The following DOCK8 variants were observed in gnomAD, a reference collection of about 807,000 sequenced individuals.
DOCK8 encodes dedicator of cytokinesis protein 8.
A neutral mutation model predicts 245.6 loss-of-function variants in DOCK8; 141 were observed. The observed-to-expected ratio is 0.57, with a 90% confidence interval of 0.50 to 0.66. The LOEUF (loss-of-function observed/expected upper bound fraction) is 0.66, where lower values mean the gene tolerates loss of function less well. Ranked by LOEUF, DOCK8 falls within the 30% of genes least tolerant of loss-of-function variation. DOCK8 has a pLI of 0.00. For synonymous variants in DOCK8, 1,168 were observed against 970.2 expected (o/e 1.20, Z -3.79); for missense variants, 2,965 against 2,603.4 (o/e 1.14, Z -3.02).
intron 1 of DOCK8, among the ~76,000 whole-genome samples, chr9:235,851 C>T (rs369737217): frequency 3.3e-5 from 5 of 152,310 alleles, no homozygotes; most frequent in African/African-American, 4.8e-5. Flanking sequence ...TTGCACTTCC[C>T]GGGTGAGGTG....
intron 12 of DOCK8, among the ~76,000 whole-genome samples, chr9:337,182 A>G (rs1313587270): frequency 6.6e-6 from 1 of 152,156 alleles, no homozygotes; most frequent in Non-Finnish European, 1.5e-5. Flanking sequence ...CACTGCCACC[A>G]TGGGGACCAA....
intron 36 of DOCK8, among the ~76,000 whole-genome samples, chr9:431,558 G>C (rs2056713527): frequency 6.6e-6 from 1 of 152,140 alleles, no homozygotes; most frequent in African/African-American, 2.4e-5. Flanking sequence ...ACCGTGGCTG[G>C]AGTGCAGTGG....
chr9:259,460 CA>C (rs2129747855), intron 1 of DOCK8, among the ~76,000 whole-genome samples: 1 of 152,210 alleles, frequency 6.6e-6, no homozygotes, highest in South Asian at 2.1e-4. Context: ...ATATAATAAG[CA>C]TAGTAACTAA....
At chr9:348,012 C>T (rs1445069972) in intron 14 of DOCK8, among the ~76,000 whole-genome samples, 1 of 152,048 alleles carries the variant, frequency 6.6e-6, no homozygotes, top group Non-Finnish European at 1.5e-5. Flanking sequence ...AGTGCAAGAC[C>T]AGGAAAAACT....
chr9:383,826 T>C (rs931018761), intron 22 of DOCK8, among the ~76,000 whole-genome samples: 12 of 152,184 alleles, frequency 7.9e-5, no homozygotes, highest in Non-Finnish European at 1.5e-4. Context: ...GAATTCTTTA[T>C]TTTTTTCATG....
intron 6 of DOCK8, among the ~76,000 whole-genome samples, chr9:316,398 G>C (rs7033066): frequency 0.54 from 81,473 of 152,026 alleles, 22,983 homozygotes; most frequent in African/African-American, 0.69. Flanking sequence ...CTCTTTAAGT[G>C]TTTAGTTTCT....
intron 27 of DOCK8, among the ~76,000 whole-genome samples, chr9:406,054 C>T (rs2055401988): frequency 6.6e-6 from 1 of 152,162 alleles, no homozygotes; most frequent in Non-Finnish European, 1.5e-5. Flanking sequence ...ACTTTAGATG[C>T]TCTTAATGAA....
chr9:291,970 T>C (rs2049058891), intron 4 of DOCK8, among the ~76,000 whole-genome samples: 1 of 147,094 alleles, frequency 6.8e-6, no homozygotes, highest in Non-Finnish European at 1.5e-5. Context: ...CTCGGGAGGC[T>C]GAGGCAGGAG....
chr9:339,048 G>C lies in DOCK8; in HGVS notation c.1465G>C (p.Ala489Pro). The C allele has an allele frequency of 6.2e-7, 1 of 1,614,122 alleles. No homozygotes were observed. The highest frequency in any genetic ancestry group is 8.5e-7 in the Non-Finnish European group (1 of 1,180,018). The change falls in exon 13 of 48, where the codon GCT (alanine) becomes CCT (proline). Residue 489 changes from alanine to proline, a missense_variant. Coordinates refer to ENST00000432829, the MANE Select transcript of DOCK8 (RefSeq NM_203447.4). ...LSDEDLFKFL[A>P]DYKRSSSLQR... ...CGATGAAGACTTATTCAAGTTTTTA[G>C]CTGACTACAAAAGATCATCATCCTT...
At chr9:245,251 C>G (rs1296666219) in intron 1 of DOCK8, among the ~76,000 whole-genome samples, 1 of 152,168 alleles carries the variant, frequency 6.6e-6, no homozygotes, top group African/African-American at 2.4e-5. Flanking sequence ...GTCACCCAGG[C>G]TGGAGTGCAG....
At chr9:398,363 G>A (rs181588854) in intron 25 of DOCK8, among the ~76,000 whole-genome samples, 1 of 152,242 alleles carries the variant, frequency 6.6e-6, no homozygotes, top group East Asian at 1.9e-4. Flanking sequence ...GGTCAGCATG[G>A]CCTGAATTTG....
At chr9:440,468 AC>A (rs1205337485) in intron 40 of DOCK8, among the ~76,000 whole-genome samples, 1 of 152,082 alleles carries the variant, frequency 6.6e-6, no homozygotes, top group East Asian at 1.9e-4. Flanking sequence ...TTTCCTCTCT[AC>A]AATTTTATTT....
At chr9:216,430 A>G (rs758292963) in intron 1 of DOCK8, among the ~76,000 whole-genome samples, 11 of 151,260 alleles carry the variant, frequency 7.3e-5, no homozygotes, top group Non-Finnish European at 1.5e-4. Flanking sequence ...CAGCTATTCA[A>G]GAGGCTGAGA....
chr9:358,151 C>T (rs1466306787), intron 14 of DOCK8, among the ~76,000 whole-genome samples: 16 of 152,232 alleles, frequency 1.1e-4, no homozygotes, highest in East Asian at 1.9e-4. Context: ...GTGGCATGAT[C>T]ATAGCTCACT....
At chr9:283,050 T>G (rs1454936230) in intron 2 of DOCK8, among the ~76,000 whole-genome samples, 1 of 152,198 alleles carries the variant, frequency 6.6e-6, no homozygotes, top group African/African-American at 2.4e-5. Flanking sequence ...ACACACTTAA[T>G]ATTGCCTGGT....
chr9:300,153 A>T (rs2049467405), intron 4 of DOCK8, among the ~76,000 whole-genome samples: 1 of 152,210 alleles, frequency 6.6e-6, no homozygotes, highest in Non-Finnish European at 1.5e-5. Flanking sequence ...TTCAGAACAC[A>T]ATAAAATCCA....
intron 1 of DOCK8, among the ~76,000 whole-genome samples, chr9:227,018 G>A (rs2131358996): frequency 6.6e-6 from 1 of 152,220 alleles, no homozygotes; most frequent in Admixed American, 6.5e-5. Flanking sequence ...CATATAACAA[G>A]GAGAGAACCA....
chr9:421,966 A>C, intron 32 of DOCK8, 82 bp from the exon 33 acceptor site: 1 of 1,215,978 alleles, frequency 8.2e-7, no homozygotes, highest in Admixed American at 1.7e-5. Flanking sequence ...GAGGCTTCTC[A>C]GTTGAGCTTG....
At chr9:237,212 T>C (rs2047272814) in intron 1 of DOCK8, among the ~76,000 whole-genome samples, 2 of 152,236 alleles carry the variant, frequency 1.3e-5, no homozygotes, top group Non-Finnish European at 2.9e-5. Context: ...CACAAGGATT[T>C]GGATGTGGGA....
Sources: allele counts gnomAD v4.1 joint callset (sites outside exome capture counted in the v4.1 genomes callset), GRCh38; gene constraint gnomAD v4.1.1; transcripts MANE v1.5; gene names NCBI Gene and HGNC (gene_info 2026-07-23, HGNC 2026-07-21).